The following LIPH variants were observed in gnomAD, a reference collection of about 807,000 sequenced individuals.
LIPH encodes the protein lipase H.
In LIPH, 32 loss-of-function variants were observed where a neutral mutation model predicts 47.6. That is an observed-to-expected ratio of 0.67 (90% CI 0.51 to 0.90). The LOEUF is 0.90. Among genes scored for constraint, LIPH ranks in the 40% least tolerant of loss-of-function variants. The probability of loss-of-function intolerance (pLI) is 0.00; values close to 1 mark genes in which losing one functional copy is unlikely to be tolerated. For missense variants in LIPH, 497 were observed against 541.4 expected (o/e 0.92, Z 0.81); for synonymous variants, 190 against 195.6 (o/e 0.97, Z 0.24).
chr3:185,538,936 CAT>C (rs1360993134), intron 1 of LIPH, among the ~76,000 whole-genome samples: 3 of 135,456 alleles, frequency 2.2e-5, no homozygotes, highest in Admixed American at 1.5e-4. Flanking sequence ...CACATATATA[CAT>C]ATATATACAT....
intron 7 of LIPH, among the ~76,000 whole-genome samples, chr3:185,516,187 C>T (rs1346128096): frequency 6.6e-6 from 1 of 152,006 alleles, no homozygotes; most frequent in African/African-American, 2.4e-5. Flanking sequence ...AATCCCAGCG[C>T]TTTGAGAGGC....
intron 7 of LIPH, among the ~76,000 whole-genome samples, chr3:185,515,335 C>G (rs1328799098): frequency 6.6e-6 from 1 of 151,330 alleles, no homozygotes; most frequent in Non-Finnish European, 1.5e-5. Flanking sequence ...AATTAAAACA[C>G]GCTACAACAG....
chr3:185,518,849 C>T lies in LIPH; in HGVS notation c.886+293G>A, dbSNP rs7628969. The stretch of plus-strand genomic sequence containing the variant: ...TGATCCTCCCACCTAAGCCTCCTCT[C>T]GAGTAGCTGGGACTACAGGCACGCA... On this transcript the variant is annotated intron_variant, in intron 6 of 9. Transcript: ENST00000296252. Among the ~76,000 whole-genome samples the T allele has an allele frequency of 5.8e-3, 879 of 151,970 alleles. 11 individuals carry two copies. The highest frequency in any genetic ancestry group is 0.02 in the African/African-American group (824 of 41,424).
chr3:185,528,326 G>GAAAGAAAGAAAGAA (rs869181564), intron 3 of LIPH, among the ~76,000 whole-genome samples: 7 of 146,076 alleles, frequency 4.8e-5, no homozygotes, highest in Non-Finnish European at 1.1e-4. Context: ...AAAGAAAGAA[G>GAAAGAAAGAAAGAA]AAAGAAAGAA....
In LIPH at chr3:185,536,180, G is replaced by A. The variant is rs6805799; in HGVS notation, c.50-1048C>T. On this transcript the variant is annotated intron_variant, in intron 1 of 9. Coordinates refer to ENST00000296252, the MANE Select transcript of LIPH (RefSeq NM_139248.3). The stretch of plus-strand genomic sequence containing the variant: ...TATCCTGCTAGAACACAATCTCTTT[G>A]AAATGGCAGCTCATTACTTGTATAT... Among the ~76,000 whole-genome samples the A allele has an allele frequency of 9.7e-3, 1,472 of 152,238 alleles. 27 individuals are homozygous for A. Among genetic ancestry groups the A allele is most frequent in the African/African-American group, 0.034 (1,403 of 41,534 alleles).
chr3:185,532,045 G>A (rs1366310146), intron 3 of LIPH, among the ~76,000 whole-genome samples: 1 of 151,984 alleles, frequency 6.6e-6, no homozygotes, highest in African/African-American at 2.4e-5. Flanking sequence ...CCAGAAAAAT[G>A]TTCAGATAAG....
chr3:185,543,653 G>A (rs1305579324), intron 1 of LIPH, among the ~76,000 whole-genome samples: 1 of 152,172 alleles, frequency 6.6e-6, no homozygotes, highest in Non-Finnish European at 1.5e-5. Flanking sequence ...GGTCAAGGCA[G>A]GAGGATTGCT....
intron 5 of LIPH, among the ~76,000 whole-genome samples, chr3:185,522,367 T>G (rs1208160924): frequency 6.6e-6 from 1 of 151,858 alleles, no homozygotes; most frequent in African/African-American, 2.4e-5. Context: ...GTTATTGCTG[T>G]CAGGTGTAGC....
chr3:185,516,301 T>G (rs1451245927), intron 7 of LIPH, among the ~76,000 whole-genome samples: 1 of 148,682 alleles, frequency 6.7e-6, no homozygotes, highest in Admixed American at 6.6e-5. Context: ...GGCATGGTGA[T>G]GCACACCTGT....
At chr3:185,529,966 G>T (rs1463042910) in intron 3 of LIPH, among the ~76,000 whole-genome samples, 1 of 42,166 alleles carries the variant, frequency 2.4e-5, no homozygotes, top group East Asian at 8.6e-4. Context: ...AAGAAAGAAG[G>T]AAAGAAAGAA....
chr3:185,537,392 T>G (rs1468761093), intron 1 of LIPH, among the ~76,000 whole-genome samples: 2 of 152,166 alleles, frequency 1.3e-5, no homozygotes, highest in African/African-American at 4.8e-5. Context: ...CTCCTTTTAC[T>G]CTGCTTCATC....
intron 3 of LIPH, among the ~76,000 whole-genome samples, chr3:185,527,890 C>T (rs1407751696): frequency 4.0e-5 from 6 of 150,444 alleles, no homozygotes; most frequent in South Asian, 2.2e-4. Context: ...TGGGGATAAA[C>T]GGGCGGTCCC....
chr3:185,531,960 C>T (rs1720343951), intron 3 of LIPH, among the ~76,000 whole-genome samples: 1 of 152,104 alleles, frequency 6.6e-6, no homozygotes, highest in South Asian at 2.1e-4. Context: ...CTGCGTTGGC[C>T]TCCCAAAGTG....
chr3:185,540,498 A>T (rs1720668001), intron 1 of LIPH, among the ~76,000 whole-genome samples: 1 of 152,114 alleles, frequency 6.6e-6, no homozygotes, highest in Non-Finnish European at 1.5e-5. Flanking sequence ...CGGGTGGATC[A>T]CCTGAGGTCA....
chr3:185,529,979 A>AAAGG (rs1170290095), intron 3 of LIPH, among the ~76,000 whole-genome samples: 8 of 64,220 alleles, frequency 1.2e-4, no homozygotes, highest in African/African-American at 3.8e-4. Context: ...AGAAAGAAAG[A>AAAGG]GAGAGAGAGA....
rs910839641 is a variant in LIPH, at chr3:185,514,289, T to C, written c.1094+121A>G. The C allele has an allele frequency of 2.0e-5, 14 of 693,918 alleles. No individual in the cohort carries two copies. In the East Asian group the frequency reaches 3.8e-4, roughly 19 times the overall value. The allele number at this position is 693,918 out of a possible 1,614,324, so 43.0% of individuals were successfully genotyped here. A position where few individuals can be genotyped will look rare whatever the true frequency, so the allele number is the denominator to read the frequency against. On this transcript the variant is annotated intron_variant, in intron 8 of 9. Coordinates refer to ENST00000296252, the MANE Select transcript of LIPH (RefSeq NM_139248.3). ...AGCAACTAAGCAATAGTTCCCCTTA[T>C]ATCTTTTATAGAACAAGGAAAAGCA...
chr3:185,541,205 G>A (rs1176360181), intron 1 of LIPH, among the ~76,000 whole-genome samples: 2 of 152,018 alleles, frequency 1.3e-5, no homozygotes, highest in Non-Finnish European at 2.9e-5. Context: ...CAGAGTTTCT[G>A]TTCTATTTAC....
chr3:185,528,346 G>GAAAGAAAGAAAGAAAGAAAGAAAGAAAT (rs1208928505), intron 3 of LIPH, among the ~76,000 whole-genome samples: 1 of 151,064 alleles, frequency 6.6e-6, no homozygotes, highest in Non-Finnish European at 1.5e-5. Flanking sequence ...AAGAAAGAAA[G>GAAAGAAAGAAAGAAAGAAAGAAAGAAAT]AAAGAAAGAA....
intron 5 of LIPH, among the ~76,000 whole-genome samples, chr3:185,522,586 GGA>G (rs1278333196): frequency 2.7e-5 from 4 of 146,836 alleles, no homozygotes; most frequent in African/African-American, 7.6e-5. Context: ...AAGGAAGCAA[GGA>G]GAGAGAAAAA....
Sources: allele counts gnomAD v4.1 joint callset (sites outside exome capture counted in the v4.1 genomes callset), GRCh38; gene constraint gnomAD v4.1.1; transcripts MANE v1.5; gene names NCBI Gene and HGNC (gene_info 2026-07-23, HGNC 2026-07-21).